The following DACH1 variants were observed in gnomAD, a reference collection of about 807,000 sequenced individuals.
DACH1 encodes the protein dachshund family transcription factor 1.
DACH1 carries 12 observed loss-of-function variants against 54.2 expected under a neutral mutation model. The observed-to-expected ratio is 0.22, with a 90% confidence interval of 0.14 to 0.36. The LOEUF (loss-of-function observed/expected upper bound fraction) is 0.36, where lower values mean the gene tolerates loss of function less well. Among genes scored for constraint, DACH1 ranks in the 10% least tolerant of loss-of-function variants. DACH1 has a pLI of 1.00. For synonymous variants in DACH1, 386 were observed against 366.2 expected (o/e 1.05, Z -0.62); for missense variants, 805 against 929.8 (o/e 0.87, Z 1.75).
At chr13:71,514,704 T>G (rs185180718) in intron 6 of DACH1, among the ~76,000 whole-genome samples, 1 of 151,950 alleles carries the variant, frequency 6.6e-6, no homozygotes, top group Non-Finnish European at 1.5e-5. Flanking sequence ...TGTACATTTC[T>G]TTCATCTCCT....
intron 6 of DACH1, among the ~76,000 whole-genome samples, chr13:71,497,253 T>C (rs928809202): frequency 6.6e-6 from 1 of 152,120 alleles, no homozygotes; most frequent in African/African-American, 2.4e-5. Flanking sequence ...CAATTATACA[T>C]TTTATAAATT....
intron 1 of DACH1, among the ~76,000 whole-genome samples, chr13:71,830,514 T>C (rs1460826783): frequency 6.6e-6 from 1 of 151,898 alleles, no homozygotes. Context: ...GAAATCTGTC[T>C]ACTCACCTAC....
chr13:71,702,661 C>T (rs1276196927), intron 1 of DACH1, among the ~76,000 whole-genome samples: 1 of 152,040 alleles, frequency 6.6e-6, no homozygotes, highest in Admixed American at 6.6e-5. Context: ...TCCTGAAACA[C>T]ATGATAATAA....
At chr13:71,744,537 C>T (rs896299489) in intron 1 of DACH1, among the ~76,000 whole-genome samples, 1 of 152,148 alleles carries the variant, frequency 6.6e-6, no homozygotes, top group Non-Finnish European at 1.5e-5. Context: ...GGCCTATCCA[C>T]ATAGGAACCA....
At chr13:71,626,851 C>T (rs1414136234) in intron 3 of DACH1, among the ~76,000 whole-genome samples, 1 of 152,044 alleles carries the variant, frequency 6.6e-6, no homozygotes, top group Non-Finnish European at 1.5e-5. Context: ...TTTCAGTAAG[C>T]AGGAGATTTG....
intron 1 of DACH1, among the ~76,000 whole-genome samples, chr13:71,795,112 A>G (rs1304515202): frequency 1.3e-5 from 2 of 152,172 alleles, no homozygotes; most frequent in African/African-American, 2.4e-5. Flanking sequence ...AGCAAAGTCT[A>G]TTTCTAATTT....
intron 1 of DACH1, among the ~76,000 whole-genome samples, chr13:71,818,585 C>T (rs1888056594): frequency 6.6e-6 from 1 of 152,218 alleles, no homozygotes; most frequent in Admixed American, 6.5e-5. Flanking sequence ...CATAACTTGC[C>T]TCTTCAAGGA....
chr13:71,571,427 G>A (rs888012564), intron 4 of DACH1, among the ~76,000 whole-genome samples: 9 of 151,946 alleles, frequency 5.9e-5, no homozygotes, highest in Non-Finnish European at 1.0e-4. Context: ...TTAACAATAC[G>A]GTGATATCTT....
chr13:71,613,114 T>A (rs912098892), intron 3 of DACH1, among the ~76,000 whole-genome samples: 24 of 152,222 alleles, frequency 1.6e-4, no homozygotes, highest in African/African-American at 5.8e-4. Context: ...CTTGAAGAAC[T>A]GATTTTAATT....
intron 2 of DACH1, among the ~76,000 whole-genome samples, chr13:71,632,698 A>G (rs1050100492): frequency 1.3e-5 from 2 of 152,080 alleles, no homozygotes; most frequent in Non-Finnish European, 2.9e-5. Context: ...CAGACCAAAG[A>G]GGCCCTGACA....
chr13:71,710,149 C>CT (rs1266238170), intron 1 of DACH1, among the ~76,000 whole-genome samples: 3 of 152,160 alleles, frequency 2.0e-5, no homozygotes, highest in Admixed American at 6.5e-5. Context: ...GAGACTAGAA[C>CT]TTTATTTGTC....
At chr13:71,688,805 A>G (rs762863057) in intron 1 of DACH1, among the ~76,000 whole-genome samples, 1 of 152,230 alleles carries the variant, frequency 6.6e-6, no homozygotes, top group Non-Finnish European at 1.5e-5. Context: ...CAAATATGCA[A>G]AATACAAATG....
At chr13:71,700,740 AAAG>A (rs1882096048) in intron 1 of DACH1, among the ~76,000 whole-genome samples, 1 of 152,172 alleles carries the variant, frequency 6.6e-6, no homozygotes, top group Non-Finnish European at 1.5e-5. Flanking sequence ...ATATGGCAAG[AAAG>A]AAGATGTTCT....
At chr13:71,850,157 A>C (rs9572809) in intron 1 of DACH1, among the ~76,000 whole-genome samples, 14,407 of 152,222 alleles carry the variant, frequency 0.095, 1,408 homozygotes, top group East Asian at 0.57. Flanking sequence ...TTTGGTACAA[A>C]ACTTCCTTCC....
At chr13:71,603,953 T>G (rs1034661646) in intron 3 of DACH1, among the ~76,000 whole-genome samples, 1 of 151,910 alleles carries the variant, frequency 6.6e-6, no homozygotes, top group Non-Finnish European at 1.5e-5. Context: ...TATTGAAGTT[T>G]TCATCAATGC....
chr13:71,643,172 G>T (rs1008430407), intron 2 of DACH1, among the ~76,000 whole-genome samples: 3 of 152,024 alleles, frequency 2.0e-5, no homozygotes, highest in Non-Finnish European at 4.4e-5. Context: ...TATTCTAATT[G>T]TCCCATCCTT....
intron 2 of DACH1, among the ~76,000 whole-genome samples, chr13:71,635,957 T>C (rs899203609): frequency 2.6e-5 from 4 of 151,990 alleles, no homozygotes; most frequent in Non-Finnish European, 5.9e-5. Flanking sequence ...ATTTTTGGGG[T>C]ATTTTTAGTA....
intron 10 of DACH1, among the ~76,000 whole-genome samples, chr13:71,451,070 T>C (rs1875005301): frequency 6.6e-6 from 1 of 152,134 alleles, no homozygotes; most frequent in African/African-American, 2.4e-5. Flanking sequence ...ATCATCATCA[T>C]CGTCAACTAT....
intron 6 of DACH1, among the ~76,000 whole-genome samples, chr13:71,512,754 C>A (rs1356243668): frequency 6.6e-6 from 1 of 151,758 alleles, no homozygotes; most frequent in African/African-American, 2.4e-5. Flanking sequence ...TCAAATACAT[C>A]CATAGTTGCC....
Sources: gnomAD v4.1 joint callset for allele counts (sites outside exome capture counted in the v4.1 genomes callset) on GRCh38, gnomAD v4.1.1 for gene constraint, MANE v1.5 for transcripts, NCBI Gene and HGNC (gene_info 2026-07-23, HGNC 2026-07-21) for gene names.